NTRK3: variants seen among roughly 807,000 people sequenced by gnomAD.
NTRK3 encodes the protein neurotrophic receptor tyrosine kinase 3.
Under a neutral mutation model 91.7 loss-of-function variants are expected in NTRK3, and 24 were observed. The observed-to-expected ratio is 0.26, with a 90% confidence interval of 0.19 to 0.37. NTRK3 has a LOEUF of 0.37. Among genes scored for constraint, NTRK3 ranks in the 10% least tolerant of loss-of-function variants. The pLI is 1.00. For missense variants in NTRK3, 880 were observed against 1,068.9 expected, an observed-to-expected ratio of 0.82 and a Z score of 2.46; for synonymous variants, 483 against 404.0, an observed-to-expected ratio of 1.20 and a Z score of -2.34.
intron 13 of NTRK3, among the ~76,000 whole-genome samples, chr15:88,057,102 G>A (rs2045773003): frequency 6.7e-6 from 1 of 150,016 alleles, no homozygotes; most frequent in Non-Finnish European, 1.5e-5. Flanking sequence ...CCGGGAGGCG[G>A]AGCTTGCAGT....
At chr15:87,988,404 A>G (rs988931960) in intron 14 of NTRK3, among the ~76,000 whole-genome samples, 4 of 152,238 alleles carry the variant, frequency 2.6e-5, no homozygotes, top group Non-Finnish European at 5.9e-5. Context: ...AACTGATGAA[A>G]TCAGAGTATA....
chr15:87,876,804 G>C, exon 19 of NTRK3: 1 of 1,069,756 alleles, frequency 9.3e-7, no homozygotes. Flanking sequence ...TGTTGTATGT[G>C]TAGCAGGCAC....
chr15:88,174,815 G>C (rs2045847589), intron 5 of NTRK3, among the ~76,000 whole-genome samples: 1 of 152,200 alleles, frequency 6.6e-6, no homozygotes, highest in African/African-American at 2.4e-5. Context: ...CCTGCTCAGA[G>C]CCCTCCAGCG....
chr15:87,907,379 G>A (rs1331833761), intron 17 of NTRK3, among the ~76,000 whole-genome samples: 1 of 152,144 alleles, frequency 6.6e-6, no homozygotes, highest in African/African-American at 2.4e-5. Flanking sequence ...ATTAGGAGCA[G>A]TGTCAAGAAG....
chr15:87,948,706 TA>T (rs1172991524), intron 14 of NTRK3, among the ~76,000 whole-genome samples: 2 of 151,900 alleles, frequency 1.3e-5, no homozygotes, highest in Non-Finnish European at 2.9e-5. Context: ...ATAAATAAAA[TA>T]AAAAATAAAA....
chr15:87,987,531 G>A (rs962188649), intron 14 of NTRK3, among the ~76,000 whole-genome samples: 1 of 151,928 alleles, frequency 6.6e-6, no homozygotes, highest in Non-Finnish European at 1.5e-5. Flanking sequence ...ATAGATGTGT[G>A]TGTGTGTGTG....
At chr15:88,231,502 TCTTCTTTAGTCTACA>T (rs2051177702) in intron 3 of NTRK3, among the ~76,000 whole-genome samples, 1 of 152,002 alleles carries the variant, frequency 6.6e-6, no homozygotes, top group Non-Finnish European at 1.5e-5. Flanking sequence ...AATGCAATGG[TCTTCTTTAGTCTACA>T]CACTGAGTCT....
At chr15:87,874,797 C>G (rs2064906568) in exon 19 of NTRK3, 1 of 231,836 alleles carries the variant, frequency 4.3e-6, no homozygotes, top group African/African-American at 2.2e-5. Context: ...TAACGGTCCT[C>G]TAGGTGGAAA....
At chr15:88,028,424 C>G (rs1423660623) in intron 14 of NTRK3, among the ~76,000 whole-genome samples, 2 of 152,136 alleles carry the variant, frequency 1.3e-5, no homozygotes, top group African/African-American at 4.8e-5. Flanking sequence ...CTCAAAGGAA[C>G]ATGGTCAGGT....
At chr15:88,033,195 T>C (rs867569528) in intron 13 of NTRK3, 150 bp from the exon 14 acceptor site, 27,908 of 166,832 alleles carry the variant, frequency 0.17, 6,015 homozygotes, top group Middle Eastern at 0.27. Flanking sequence ...TATATATATA[T>C]ATATATATAT....
chr15:88,032,942 A>C (rs889791274), exon 14 of NTRK3: 1 of 1,613,516 alleles, frequency 6.2e-7, no homozygotes. Flanking sequence ...CAATGACCAC[A>C]GTGTCGGGCC....
intron 5 of NTRK3, among the ~76,000 whole-genome samples, chr15:88,150,839 G>A (rs1249573681): frequency 1.3e-5 from 2 of 152,100 alleles, no homozygotes; most frequent in Non-Finnish European, 2.9e-5. Context: ...TGCCCTCACC[G>A]GCATTGATAA....
At chr15:88,122,484 G>A (rs368956292) in intron 13 of NTRK3, among the ~76,000 whole-genome samples, 10 of 152,278 alleles carry the variant, frequency 6.6e-5, no homozygotes, top group African/African-American at 2.4e-4. Context: ...ATGGGGATGG[G>A]AATAGGACCA....
intron 14 of NTRK3, among the ~76,000 whole-genome samples, chr15:87,942,733 A>G (rs1489234443): frequency 1.3e-5 from 2 of 152,162 alleles, no homozygotes; most frequent in South Asian, 2.1e-4. Flanking sequence ...TGGGTCTCAG[A>G]TTTCTCACCT....
At chr15:88,191,513 T>C (rs1220875765) in intron 3 of NTRK3, among the ~76,000 whole-genome samples, 1 of 152,160 alleles carries the variant, frequency 6.6e-6, no homozygotes, top group Non-Finnish European at 1.5e-5. Context: ...AAAACAAGAT[T>C]GCATACAGGT....
chr15:88,080,290 C>T lies in NTRK3; in HGVS notation c.1396+45981G>A, dbSNP rs543997980. On this transcript the variant is annotated intron_variant, in intron 13 of 18. Coordinates refer to ENST00000394480, the Ensembl canonical transcript of NTRK3. ...AAGGTTTTTGAAAAATACTGTCAAA[C>T]AAGCCCTCTGGTAAAGTTGTACCAA... 1.3e-4 allele frequency among the ~76,000 whole-genome samples: 20 copies of T among 152,270 alleles called. 1 individual carries two copies. The highest frequency in any genetic ancestry group is 6.8e-3 in the Middle Eastern group (2 of 294).
At chr15:88,147,919 G>A (rs1365159160) in intron 5 of NTRK3, among the ~76,000 whole-genome samples, 1 of 152,100 alleles carries the variant, frequency 6.6e-6, no homozygotes, top group Non-Finnish European at 1.5e-5. Context: ...CCTCCTAATG[G>A]CTATTTAATT....
At chr15:88,201,664 G>A (rs974327662) in intron 3 of NTRK3, among the ~76,000 whole-genome samples, 8 of 152,136 alleles carry the variant, frequency 5.3e-5, no homozygotes, top group Non-Finnish European at 2.9e-5. Context: ...AGCAGAGAAG[G>A]TTGAGTCTCT....
intron 14 of NTRK3, among the ~76,000 whole-genome samples, chr15:88,012,555 A>C (rs948602496): frequency 6.6e-6 from 1 of 152,198 alleles, no homozygotes; most frequent in Non-Finnish European, 1.5e-5. Context: ...AAGTATTTCT[A>C]TATGTTCATA....
Sources: gnomAD v4.1 joint callset for allele counts (sites outside exome capture counted in the v4.1 genomes callset) on GRCh38, gnomAD v4.1.1 for gene constraint, MANE v1.5 for transcripts, NCBI Gene and HGNC (gene_info 2026-07-23, HGNC 2026-07-21) for gene names.